The following TOMM7 variants were observed in gnomAD, a reference collection of about 807,000 sequenced individuals.
The protein encoded by TOMM7 is mitochondrial import receptor subunit TOM7 homolog.
TOMM7 carries 8 observed loss-of-function variants against 9.5 expected under a neutral mutation model. The observed-to-expected ratio is 0.84, with a 90% CI of 0.49 to 1.51. TOMM7 has a LOEUF of 1.51. Among genes scored for constraint, TOMM7 ranks in the 40% most tolerant of loss-of-function variants. The probability of loss-of-function intolerance (pLI) is 0.00; values close to 1 mark genes in which losing one functional copy is unlikely to be tolerated. For missense variants in TOMM7, 74 were observed against 63.7 expected (o/e 1.16, Z -0.55); for synonymous variants, 27 against 21.4 (o/e 1.26, Z -0.72).
At chr7:22,821,115 AAAAAG>A (rs1192035213) in intron 1 of TOMM7, among the ~76,000 whole-genome samples, 3 of 152,224 alleles carry the variant, frequency 2.0e-5, no homozygotes, top group African/African-American at 7.2e-5. Flanking sequence ...CAGTAAAATT[AAAAAG>A]AAAAAACTTG....
chr7:22,813,033 G>A lies in TOMM7; in HGVS notation c.*137C>T. On this transcript the variant is annotated 3_prime_UTR_variant, in exon 3 of 3. Coordinates refer to ENST00000358435, the MANE Select transcript of TOMM7 (RefSeq NM_019059.5). ...CATAAGTTAGTACAAGTTCCACTCTGCTACAGATGCGTCTGTGAAGAGCCT... is the reference window on the plus strand; with the variant it reads ...CATAAGTTAGTACAAGTTCCACTCTACTACAGATGCGTCTGTGAAGAGCCT... 3.6e-6 allele frequency: 3 copies of A among 825,130 alleles called. No individual in the cohort carries two copies. In the South Asian group the frequency reaches 4.3e-5, roughly 12 times the overall value. 51.1% of individuals were successfully genotyped at this position (825,130 alleles called of 1,614,324 possible). A position where few individuals can be genotyped will look rare whatever the true frequency, so the allele number is the denominator to read the frequency against.
At chr7:22,817,501 A>G in intron 2 of TOMM7, 1 of 236,800 alleles carries the variant, frequency 4.2e-6, no homozygotes, top group Non-Finnish European at 9.1e-6. Context: ...TGATCTTCCC[A>G]CCTTGGCTTT....
At position 22,819,034 on chromosome 7, in the gene TOMM7, G is replaced by A. The variant is rs554486950; in HGVS notation, c.104-986C>T. Among the ~76,000 whole-genome samples the A allele has an allele frequency of 1.6e-4, 24 of 152,102 alleles. 1 individual carries two copies. The highest frequency in any genetic ancestry group is 6.2e-4 in the South Asian group (3 of 4,818). On this transcript the variant is annotated intron_variant, in intron 1 of 2. Transcript: ENST00000358435. ...CGGGGTGGAGGGCGGGGGGGTTGGCGGCAGGGGATGGATCATCCAATACTT... is the reference window on the plus strand; with the variant it reads ...CGGGGTGGAGGGCGGGGGGGTTGGCAGCAGGGGATGGATCATCCAATACTT...
At chr7:22,816,914 T>G (rs1272207964) in intron 2 of TOMM7, among the ~76,000 whole-genome samples, 2 of 152,196 alleles carry the variant, frequency 1.3e-5, no homozygotes, top group Non-Finnish European at 2.9e-5. Context: ...AAAAAGCACC[T>G]AAAGCAGTGG....
At chr7:22,818,340 C>T (rs1782343360) in intron 1 of TOMM7, 2 of 242,796 alleles carry the variant, frequency 8.2e-6, no homozygotes, top group South Asian at 1.2e-4. Context: ...ATGATCTCGG[C>T]TCACTGCAAC....
intron 1 of TOMM7, among the ~76,000 whole-genome samples, chr7:22,821,131 G>C (rs1289297786): frequency 6.6e-6 from 1 of 152,170 alleles, no homozygotes; most frequent in Non-Finnish European, 1.5e-5. Context: ...AAAAAACTTG[G>C]CCAGGCACGG....
intron 2 of TOMM7, among the ~76,000 whole-genome samples, chr7:22,816,399 C>G (rs1782316535): frequency 6.6e-6 from 1 of 152,190 alleles, no homozygotes; most frequent in African/African-American, 2.4e-5. Flanking sequence ...GGTCTAAGGC[C>G]AAGGCCACTC....
intron 1 of TOMM7, chr7:22,822,270 G>A (rs1258305199): frequency 2.6e-6 from 4 of 1,549,594 alleles, no homozygotes; most frequent in Admixed American, 3.9e-5. Context: ...GTACTTTCAC[G>A]AGGTGTCTCG....
chr7:22,815,042 T>C (rs1394730029), intron 2 of TOMM7, among the ~76,000 whole-genome samples: 3 of 152,150 alleles, frequency 2.0e-5, no homozygotes, highest in Non-Finnish European at 4.4e-5. Context: ...GAGTAACCCT[T>C]TGCAGGCACT....
At chr7:22,821,398 C>G (rs568573424) in intron 1 of TOMM7, among the ~76,000 whole-genome samples, 109 of 123,514 alleles carry the variant, frequency 8.8e-4, no homozygotes, top group African/African-American at 3.2e-3. Flanking sequence ...CGAGGCAGAC[C>G]CCGTCTCAAA....
At chr7:22,813,458 T>C (rs1782275277) in intron 2 of TOMM7, among the ~76,000 whole-genome samples, 1 of 152,204 alleles carries the variant, frequency 6.6e-6, no homozygotes, top group South Asian at 2.1e-4. Flanking sequence ...GGAAAACGAT[T>C]ACTGATTTCC....
chr7:22,822,715 G>A lies in TOMM7; in HGVS notation c.65C>T (p.Ala22Val), dbSNP rs770778580. ...LQQLFKGSQF[A>V]IRWGFIPLVI... is the part of the protein sequence containing the mutation. ...AAGAGGGATAAAGCCCCAGCGAATG[G>A]CAAACTGGCTCCCCTTGAAGAGCTG... Residue 22 changes from alanine (A) to valine (V), a missense_variant, in exon 1 of 3, where the codon GCC (alanine) becomes GTC (valine). Ala to Val is a moderately conservative substitution (Grantham distance 64). Transcript: ENST00000358435. The A allele has an allele frequency of 2.5e-6, 4 of 1,614,194 alleles. No homozygotes were observed. Among genetic ancestry groups the A allele is most frequent in the Middle Eastern group, 1.6e-4 (1 of 6,062 alleles).
chr7:22,821,120 G>GA (rs1782382243), intron 1 of TOMM7, among the ~76,000 whole-genome samples: 1 of 152,120 alleles, frequency 6.6e-6, no homozygotes, highest in African/African-American at 2.4e-5. Context: ...AAATTAAAAA[G>GA]AAAAAACTTG....
At chr7:22,813,606 A>G (rs754008681) in intron 2 of TOMM7, among the ~76,000 whole-genome samples, 3 of 151,998 alleles carry the variant, frequency 2.0e-5, no homozygotes, top group Non-Finnish European at 4.4e-5. Context: ...CCCAACTACG[A>G]TCCCTATTTT....
chr7:22,816,884 G>C (rs1271782905), intron 2 of TOMM7, among the ~76,000 whole-genome samples: 1 of 152,222 alleles, frequency 6.6e-6, no homozygotes, highest in Non-Finnish European at 1.5e-5. Flanking sequence ...GACTGAAGTT[G>C]ACAACTAGAC....
At chr7:22,814,109 T>C (rs1583461969) in intron 2 of TOMM7, among the ~76,000 whole-genome samples, 1 of 146,026 alleles carries the variant, frequency 6.8e-6, no homozygotes, top group Admixed American at 6.8e-5. Flanking sequence ...CTGAGGTGGG[T>C]GGATCGCCTG....
chr7:22,821,389 G>C (rs1202627893), intron 1 of TOMM7, among the ~76,000 whole-genome samples: 1 of 134,538 alleles, frequency 7.4e-6, no homozygotes, highest in Non-Finnish European at 1.6e-5. Flanking sequence ...CAGCCTGGGC[G>C]AGGCAGACCC....
chr7:22,820,339 G>C (rs1782370070), intron 1 of TOMM7, among the ~76,000 whole-genome samples: 1 of 152,210 alleles, frequency 6.6e-6, no homozygotes, highest in Non-Finnish European at 1.5e-5. Flanking sequence ...AGGGAATATA[G>C]CCAGTGTGCA....
intron 1 of TOMM7, among the ~76,000 whole-genome samples, chr7:22,821,024 A>G (rs1035084988): frequency 5.3e-5 from 8 of 152,182 alleles, no homozygotes; most frequent in Admixed American, 2.0e-4. Context: ...GAGTTTTACA[A>G]TTGTCAAACT....
Sources: allele counts gnomAD v4.1 joint callset (sites outside exome capture counted in the v4.1 genomes callset), GRCh38; gene constraint gnomAD v4.1.1; transcripts MANE v1.5; gene names NCBI Gene and HGNC (gene_info 2026-07-23, HGNC 2026-07-21).